SHTN1: variants seen among roughly 807,000 people sequenced by gnomAD.
SHTN1 encodes the protein shootin 1.
A neutral mutation model predicts 83.1 loss-of-function variants in SHTN1; 42 were observed. The ratio of observed to expected loss-of-function variants is 0.51; its 90% CI spans 0.39 to 0.65. The LOEUF (loss-of-function observed/expected upper bound fraction) is 0.65, where lower values mean the gene tolerates loss of function less well. Ranked by LOEUF, SHTN1 falls within the 30% of genes least tolerant of loss-of-function variation. The pLI, the probability that SHTN1 is intolerant of heterozygous loss-of-function variation, is 0.00. For synonymous variants in SHTN1, 224 were observed against 247.7 expected (o/e 0.90, Z 0.90); for missense variants, 622 against 737.8 (o/e 0.84, Z 1.82).
upstream of SHTN1, among the ~76,000 whole-genome samples, chr10:117,009,070 G>A (rs574371929): frequency 2.6e-5 from 4 of 152,218 alleles, no homozygotes; most frequent in East Asian, 1.9e-4. Flanking sequence ...AGCCGAGATC[G>A]TGCCATTGCA....
At position 116,884,830 on chromosome 10, in the gene SHTN1, G is replaced by C. The variant is rs907545140; in HGVS notation, c.*1514C>G. The C allele has an allele frequency of 4.5e-5, 7 of 155,286 alleles. No homozygotes were observed. Among genetic ancestry groups the C allele is most frequent in the Admixed American group, 6.2e-5 (1 of 16,144 alleles). The allele number at this position is 155,286 out of a possible 1,614,324, so 9.6% of individuals were successfully genotyped here. A position where few individuals can be genotyped will look rare whatever the true frequency, so the allele number is the denominator to read the frequency against. ...ACTATTGGTGCCTTTTTAATAAGTT[G>C]TGGTGAGGAGAGTTCAAATTACAGC... On this transcript the variant is annotated 3_prime_UTR_variant, in exon 17 of 17. Coordinates refer to ENST00000355371, the MANE Select transcript of SHTN1 (RefSeq NM_001127211.3).
At chr10:117,083,174 C>T (rs1249703640) in intron 1 of SHTN1, among the ~76,000 whole-genome samples, 3 of 145,956 alleles carry the variant, frequency 2.1e-5, no homozygotes, top group Non-Finnish European at 4.6e-5. Context: ...CGGCTGGTAC[C>T]GGTTGTTCCT....
At chr10:116,981,312 C>A (rs1392887895) in intron 1 of SHTN1, among the ~76,000 whole-genome samples, 1 of 152,120 alleles carries the variant, frequency 6.6e-6, no homozygotes, top group South Asian at 2.1e-4. Flanking sequence ...CAGAGCGAGA[C>A]TCTGTCTCAA....
At chr10:117,065,832 GGAAGGAAGGAAGGAAGGAAGGAAA>G (rs1398149777) in intron 1 of SHTN1, among the ~76,000 whole-genome samples, 25 of 79,238 alleles carry the variant, frequency 3.2e-4, no homozygotes, top group East Asian at 6.3e-4. Flanking sequence ...AAGGAAGGAA[GGAAGGAAGGAAGGAAGGAAGGAAA>G]GGAGGGAGGG....
chr10:117,009,220 G>A (rs939850820), upstream of SHTN1, among the ~76,000 whole-genome samples: 1 of 152,120 alleles, frequency 6.6e-6, no homozygotes, highest in Admixed American at 6.5e-5. Context: ...TAAAAACTAA[G>A]TATAAAATAA....
intron 8 of SHTN1, among the ~76,000 whole-genome samples, chr10:116,944,662 G>A (rs1849507755): frequency 6.6e-6 from 1 of 152,134 alleles, no homozygotes; most frequent in African/African-American, 2.4e-5. Context: ...GGAGGCCAAG[G>A]CGAGCAGATC....
intron 1 of SHTN1, among the ~76,000 whole-genome samples, chr10:116,994,661 T>C (rs1008402813): frequency 1.3e-5 from 2 of 152,160 alleles, no homozygotes; most frequent in African/African-American, 4.8e-5. Flanking sequence ...TGCCTTCCTA[T>C]TTGCTTTTGA....
chr10:116,974,767 C>T (rs1850735183), intron 2 of SHTN1, among the ~76,000 whole-genome samples: 1 of 151,284 alleles, frequency 6.6e-6, no homozygotes, highest in Non-Finnish European at 1.5e-5. Context: ...ACACACACCC[C>T]CACCCCCACC....
upstream of SHTN1, chr10:117,005,401 G>A (rs532898130): frequency 3.4e-6 from 4 of 1,174,590 alleles, no homozygotes; most frequent in Non-Finnish European, 4.2e-6. Flanking sequence ...CTGGTGGGAG[G>A]GGGGGCGGCC....
chr10:117,006,178 G>A (rs1852003062), upstream of SHTN1, among the ~76,000 whole-genome samples: 2 of 151,906 alleles, frequency 1.3e-5, no homozygotes, highest in South Asian at 2.1e-4. Flanking sequence ...AGAGTTGTAA[G>A]GATTTAATAG....
chr10:117,119,917 A>G (rs1397401661), intron 1 of SHTN1, among the ~76,000 whole-genome samples: 1 of 152,208 alleles, frequency 6.6e-6, no homozygotes, highest in East Asian at 1.9e-4. Flanking sequence ...TAAGTGAAAT[A>G]AGCCAGGCGC....
In SHTN1 at chr10:116,893,327, C is replaced by T. The variant is rs182064532; in HGVS notation, c.1674-6761G>A. On this transcript the variant is annotated intron_variant, in intron 16 of 16. Coordinates refer to ENST00000355371, the MANE Select transcript of SHTN1 (RefSeq NM_001127211.3). ...TAAAACTTAATTGTCCATGTACAGG[C>T]GCACATGGAGAACCTTTGTAGCAGC... 1.7e-3 allele frequency among the ~76,000 whole-genome samples: 260 copies of T among 152,250 alleles called. 2 individuals are homozygous for T. The highest frequency in any genetic ancestry group is 5.6e-3 in the African/African-American group (232 of 41,540).
intron 2 of SHTN1, among the ~76,000 whole-genome samples, chr10:117,031,506 C>T (rs1898348): frequency 3.9e-5 from 6 of 152,128 alleles, no homozygotes; most frequent in African/African-American, 1.2e-4. Flanking sequence ...TCTAGTAAAA[C>T]GACTAAATGA....
At chr10:117,008,750 T>C (rs1852057807), upstream of SHTN1, among the ~76,000 whole-genome samples, 1 of 152,106 alleles carries the variant, frequency 6.6e-6, no homozygotes, top group Non-Finnish European at 1.5e-5. Flanking sequence ...GTGTGGTTAA[T>C]TGTTGGGGTA....
intron 12 of SHTN1, among the ~76,000 whole-genome samples, chr10:116,917,296 G>A (rs2133357890): frequency 6.6e-6 from 1 of 152,238 alleles, no homozygotes; most frequent in African/African-American, 2.4e-5. Context: ...ATTTATTCCT[G>A]AGAATTTAGA....
At chr10:117,051,042 G>C (rs1852733446) in intron 1 of SHTN1, among the ~76,000 whole-genome samples, 1 of 152,150 alleles carries the variant, frequency 6.6e-6, no homozygotes, top group Non-Finnish European at 1.5e-5. Flanking sequence ...GGGTGACAGA[G>C]TGAGATCCTG....
upstream of SHTN1, among the ~76,000 whole-genome samples, chr10:117,007,744 T>C (rs1852044755): frequency 1.3e-5 from 2 of 151,756 alleles, 1 homozygote; most frequent in Non-Finnish European, 2.9e-5. Flanking sequence ...TTTTGTTCCG[T>C]TTAATAATAT....
intron 3 of SHTN1, among the ~76,000 whole-genome samples, chr10:116,963,137 T>C (rs1850255802): frequency 8.1e-6 from 1 of 123,908 alleles, no homozygotes; most frequent in Admixed American, 1.0e-4. Context: ...AGTGGCGCAA[T>C]CTCGGCTCAC....
At chr10:117,002,056 A>G (rs1467827592) in intron 1 of SHTN1, among the ~76,000 whole-genome samples, 1 of 152,180 alleles carries the variant, frequency 6.6e-6, no homozygotes, top group African/African-American at 2.4e-5. Context: ...ATGAATAAAG[A>G]TTGCTATTAG....
Sources: gnomAD v4.1 joint callset for allele counts (sites outside exome capture counted in the v4.1 genomes callset) on GRCh38, gnomAD v4.1.1 for gene constraint, MANE v1.5 for transcripts, NCBI Gene and HGNC (gene_info 2026-07-23, HGNC 2026-07-21) for gene names.